The following IGSF21 variants were observed in gnomAD, a reference collection of about 807,000 sequenced individuals.
IGSF21 encodes the protein immunoglobin superfamily member 21.
IGSF21 carries 28 observed loss-of-function variants against 46.8 expected under a neutral mutation model. The observed-to-expected ratio is 0.60, with a 90% CI of 0.44 to 0.82. The LOEUF (loss-of-function observed/expected upper bound fraction) is 0.82. Among genes scored for constraint, IGSF21 ranks in the 40% least tolerant of loss-of-function variants. The probability of loss-of-function intolerance (pLI) is 0.00; values close to 1 mark genes in which losing one functional copy is unlikely to be tolerated. For missense variants in IGSF21, 624 were observed against 665.5 expected (o/e 0.94, Z 0.69); for synonymous variants, 284 against 273.6 (o/e 1.04, Z -0.38).
chr1:18,197,852 C>A (rs2087024482), intron 1 of IGSF21, among the ~76,000 whole-genome samples: 1 of 152,204 alleles, frequency 6.6e-6, no homozygotes, highest in Admixed American at 6.5e-5. Context: ...AAGTCTTCAG[C>A]CAGTGTCAGC....
intron 2 of IGSF21, among the ~76,000 whole-genome samples, chr1:18,281,385 C>T (rs1444091486): frequency 6.6e-6 from 1 of 151,860 alleles, no homozygotes; most frequent in Non-Finnish European, 1.5e-5. Flanking sequence ...CATAGTGAAA[C>T]CCTGAGGTCT....
intron 6 of IGSF21, among the ~76,000 whole-genome samples, chr1:18,369,792 AC>A (rs1470046059): frequency 1.3e-5 from 2 of 151,974 alleles, no homozygotes; most frequent in Admixed American, 1.3e-4. Flanking sequence ...CTGAAATGCC[AC>A]CCCTCCAGGA....
intron 2 of IGSF21, among the ~76,000 whole-genome samples, chr1:18,230,505 G>C (rs2084614316): frequency 6.6e-6 from 1 of 152,260 alleles, no homozygotes; most frequent in African/African-American, 2.4e-5. Flanking sequence ...TCACCCACTA[G>C]AGCCAAATGC....
chr1:18,348,692 C>T (rs1188722785), intron 4 of IGSF21, among the ~76,000 whole-genome samples: 2 of 152,162 alleles, frequency 1.3e-5, no homozygotes, highest in African/African-American at 4.8e-5. Flanking sequence ...CCTGAGGAGG[C>T]TATAGCTGCC....
chr1:18,239,711 G>T (rs1343252027), intron 2 of IGSF21, among the ~76,000 whole-genome samples: 1 of 151,726 alleles, frequency 6.6e-6, no homozygotes, highest in Non-Finnish European at 1.5e-5. Context: ...CCCTCCATCT[G>T]GTCAACTCCT....
At chr1:18,320,675 TGA>T (rs1238669710) in intron 3 of IGSF21, among the ~76,000 whole-genome samples, 3 of 152,184 alleles carry the variant, frequency 2.0e-5, no homozygotes, top group African/African-American at 7.2e-5. Flanking sequence ...AGACAGACAG[TGA>T]GAGAGAGATC....
chr1:18,160,125 G>T (rs1480253237), intron 1 of IGSF21, among the ~76,000 whole-genome samples: 1 of 152,118 alleles, frequency 6.6e-6, no homozygotes, highest in Non-Finnish European at 1.5e-5. Context: ...GTGATCTTTG[G>T]GCAGGGCCAG....
In IGSF21 at chr1:18,337,832, G is replaced by A. The variant is rs1381229176; in HGVS notation, c.424+2822G>A. On this transcript the variant is annotated intron_variant, in intron 4 of 9. Transcript: ENST00000251296. The surrounding 1 kb of genome is among the most constrained non-coding windows in gnomAD (Gnocchi z 5.7). ...CCTCACTGCAGATCGGCGCGTGGGG[G>A]ATTACTATTATCTCTAACTCACAGA... Among the ~76,000 whole-genome samples, 2 of 152,124 alleles carry A rather than the reference G, an allele frequency of 1.3e-5. No homozygotes were observed. Among genetic ancestry groups the A allele is most frequent in the African/African-American group, 2.4e-5 (1 of 41,430 alleles).
chr1:18,136,122 A>G (rs1430379304), intron 1 of IGSF21, among the ~76,000 whole-genome samples: 5 of 151,846 alleles, frequency 3.3e-5, no homozygotes, highest in Non-Finnish European at 7.4e-5. Flanking sequence ...TTTTTCTTGT[A>G]AATTTGTTTG....
intron 3 of IGSF21, among the ~76,000 whole-genome samples, chr1:18,306,822 G>A (rs999494569): frequency 2.6e-5 from 4 of 152,200 alleles, no homozygotes; most frequent in African/African-American, 9.7e-5. Flanking sequence ...GCTGGATGAT[G>A]GGAAGCCCCC....
intron 3 of IGSF21, among the ~76,000 whole-genome samples, chr1:18,333,848 T>C (rs1191925890): frequency 6.6e-6 from 1 of 152,242 alleles, no homozygotes; most frequent in Non-Finnish European, 1.5e-5. Context: ...CCTATTTTTT[T>C]ACAACTTGTG....
At chr1:18,356,912 G>A (rs1040043396) in intron 4 of IGSF21, among the ~76,000 whole-genome samples, 2 of 151,802 alleles carry the variant, frequency 1.3e-5, no homozygotes, top group Admixed American at 6.6e-5. Flanking sequence ...GAAATGAGGA[G>A]AGAATAGGGG....
intron 1 of IGSF21, among the ~76,000 whole-genome samples, chr1:18,163,946 A>G (rs1338887633): frequency 6.6e-6 from 1 of 152,252 alleles, no homozygotes; most frequent in Non-Finnish European, 1.5e-5. Context: ...CGTGATAGCC[A>G]TCATTTATAT....
chr1:18,231,429 G>A (rs2084624584), intron 2 of IGSF21, among the ~76,000 whole-genome samples: 1 of 152,128 alleles, frequency 6.6e-6, no homozygotes, highest in African/African-American at 2.4e-5. Context: ...AGCGGCAAGA[G>A]CCTGACTCTT....
rs765654406 is a variant in IGSF21 at position 18,291,966 on chromosome 1, TG to T, written c.286del (p.Val96CysfsTer6). The stretch of plus-strand genomic sequence containing the variant: ...GAGAACTACCGCAAGCGAGAGGACC[TG>T]GTGTACCAGTCCACTGTGAGGTGAG... ...HMENYRKRED[L>X]VYQSTVRLPE... On this transcript the variant is annotated frameshift_variant, in exon 3 of 10. Coordinates refer to ENST00000251296, the MANE Select transcript of IGSF21 (RefSeq NM_032880.5). LOFTEE classifies it high-confidence loss of function. 6.2e-7 allele frequency: 1 copy of T among 1,607,878 alleles called. No individual in the cohort carries two copies. The highest frequency in any genetic ancestry group is 1.7e-5 in the Admixed American group (1 of 59,726).
At chr1:18,274,284 A>G (rs2085079425) in intron 2 of IGSF21, among the ~76,000 whole-genome samples, 1 of 152,206 alleles carries the variant, frequency 6.6e-6, no homozygotes, top group Admixed American at 6.5e-5. Context: ...CTTATCACAA[A>G]GCTAGCCTCT....
intron 2 of IGSF21, among the ~76,000 whole-genome samples, chr1:18,230,626 C>A (rs1045623870): frequency 6.6e-6 from 1 of 152,034 alleles, no homozygotes; most frequent in African/African-American, 2.4e-5. Context: ...AGGATGGGGG[C>A]AGAGGAAGGA....
At chr1:18,218,194 G>C (rs534947808) in intron 1 of IGSF21, among the ~76,000 whole-genome samples, 21 of 152,214 alleles carry the variant, frequency 1.4e-4, no homozygotes, top group African/African-American at 3.9e-4. Flanking sequence ...AGAAGGTGAA[G>C]GGGAAGCAGG....
intron 3 of IGSF21, among the ~76,000 whole-genome samples, chr1:18,305,390 GATGGATGGATA>G (rs2085411049): frequency 2.0e-5 from 3 of 150,708 alleles, no homozygotes; most frequent in Non-Finnish European, 3.0e-5. Flanking sequence ...TGCATGGATG[GATGGATGGATA>G]ATGGATGGAT....
Sources: allele counts gnomAD v4.1 joint callset (sites outside exome capture counted in the v4.1 genomes callset), GRCh38; gene constraint gnomAD v4.1.1; non-coding constraint Gnocchi (gnomAD v3.1); transcripts MANE v1.5; gene names NCBI Gene and HGNC (gene_info 2026-07-23, HGNC 2026-07-21).